DHX37: variants seen among roughly 807,000 people sequenced by gnomAD.
The protein encoded by DHX37 is DEAH-box helicase 37, also known as probable ATP-dependent RNA helicase DHX37.
Under a neutral mutation model 134.3 loss-of-function variants are expected in DHX37, and 52 were observed. The ratio of observed to expected loss-of-function variants is 0.39; its 90% confidence interval spans 0.31 to 0.49. The LOEUF is 0.49. Among genes scored for constraint, DHX37 ranks in the 20% least tolerant of loss-of-function variants. The pLI, the probability that DHX37 is intolerant of heterozygous loss-of-function variation, is 0.93. For missense variants in DHX37, 1,344 were observed against 1,580.8 expected, an observed-to-expected ratio of 0.85 and a Z score of 2.54; for synonymous variants, 634 against 670.7, an observed-to-expected ratio of 0.95 and a Z score of 0.85.
intron 21 of DHX37, 23 bp downstream of exon 21, chr12:124,952,375 C>T: frequency 6.3e-7 from 1 of 1,591,628 alleles, no homozygotes; most frequent in Non-Finnish European, 8.5e-7. Flanking sequence ...GCTACCCGGG[C>T]AGGGAGGCGG....
In DHX37 at chr12:124,967,178, A is replaced by C. The variant is rs374212135; in HGVS notation, c.1449T>G (p.His483Gln). ...CCTTCCTGAGCCTGCGGCACAGCGCATGCACCTCAGCCTGCCCCGTCAGGA... is the reference window on the plus strand; with the variant it reads ...CCTTCCTGAGCCTGCGGCACAGCGCCTGCACCTCAGCCTGCCCCGTCAGGA... ...LVFLTGQAEV[H>Q]ALCRRLRKAF... is the part of the protein sequence containing the mutation. Residue 483 changes from histidine to glutamine, a missense_variant, in exon 11 of 27, where the codon CAT becomes CAG. Coordinates refer to ENST00000308736, the MANE Select transcript of DHX37 (RefSeq NM_032656.4). 1 of 1,613,830 alleles carries C rather than the reference A, an allele frequency of 6.2e-7. No individual in the cohort carries two copies. Among genetic ancestry groups the C allele is most frequent in the Admixed American group, 1.7e-5 (1 of 60,012 alleles).
At chr12:124,966,701 A>G (rs1247168142) in intron 12 of DHX37, 92 bp downstream of exon 12, 20 of 1,309,158 alleles carry the variant, frequency 1.5e-5, no homozygotes, top group African/African-American at 2.9e-5. Flanking sequence ...TTCCAATTAC[A>G]CTTAAACCTA....
intron 15 of DHX37, among the ~76,000 whole-genome samples, chr12:124,963,579 AG>A (rs1479108513): frequency 6.6e-6 from 1 of 152,158 alleles, no homozygotes; most frequent in African/African-American, 2.4e-5. Context: ...AGCAGAATAA[AG>A]AAACAGTGGC....
At chr12:124,968,695 T>C in intron 9 of DHX37, 47 bp from the exon 10 acceptor site, 1 of 1,612,940 alleles carries the variant, frequency 6.2e-7, no homozygotes, top group Non-Finnish European at 8.5e-7. Context: ...GACACGAGCT[T>C]CGGCCCAGGG....
At chr12:124,982,475 G>C in intron 3 of DHX37, 36 bp downstream of exon 3, 2 of 1,609,910 alleles carry the variant, frequency 1.2e-6, no homozygotes, top group Non-Finnish European at 1.7e-6. Context: ...GGGCCCTGGA[G>C]GGAGGGCAGG....
In DHX37 at chr12:124,989,057, G is replaced by T; in HGVS notation, c.-35C>A. The T allele has an allele frequency of 1.5e-6, 2 of 1,297,878 alleles. No homozygotes were observed. Among genetic ancestry groups the T allele is most frequent in the Middle Eastern group, 2.2e-4 (1 of 4,502 alleles). The allele number at this position is 1,297,878 out of a possible 1,614,324, so 80.4% of individuals were successfully genotyped here. A position where few individuals can be genotyped will look rare whatever the true frequency, so the allele number is the denominator to read the frequency against. ...GCCAGGGTGGGCGCTCCAGCGGCCG[G>T]ACCAGCAGAGCAATCCGAAACCCAG... On this transcript the variant is annotated 5_prime_UTR_variant, in exon 1 of 27. Transcript: ENST00000308736.
intron 20 of DHX37, 26 bp from the exon 21 acceptor site, chr12:124,952,596 C>G (rs6488959): frequency 6.5e-7 from 1 of 1,541,752 alleles, no homozygotes; most frequent in Admixed American, 1.9e-5. Context: ...AGAGTGAGGT[C>G]GGTGGTGGCA....
intron 4 of DHX37, among the ~76,000 whole-genome samples, chr12:124,978,843 G>GA (rs1339085515): frequency 3.3e-5 from 5 of 151,334 alleles, no homozygotes; most frequent in African/African-American, 1.2e-4. Flanking sequence ...GAGGTGGGAG[G>GA]ACCGCTTGAG....
At chr12:124,960,049 G>A (rs1409576046) in intron 16 of DHX37, among the ~76,000 whole-genome samples, 3 of 152,214 alleles carry the variant, frequency 2.0e-5, no homozygotes, top group African/African-American at 7.2e-5. Flanking sequence ...CACGCCCCAC[G>A]GACGGATAGT....
intron 1 of DHX37, 120 bp downstream of exon 1, chr12:124,988,797 T>TC (rs2135978514): frequency 1.2e-5 from 6 of 485,976 alleles, no homozygotes; most frequent in Non-Finnish European, 1.7e-5. Context: ...GGGGACCCAT[T>TC]CCCCCATTCC....
chr12:124,953,385 A>C (rs1193198266), intron 20 of DHX37: 1 of 159,954 alleles, frequency 6.3e-6, no homozygotes, highest in Non-Finnish European at 1.4e-5. Flanking sequence ...GCCTGCCCAG[A>C]AGAGACCCAG....
intron 2 of DHX37, 126 bp from the exon 3 acceptor site, chr12:124,982,749 C>T: frequency 7.6e-7 from 1 of 1,308,190 alleles, no homozygotes; most frequent in South Asian, 1.4e-5. Flanking sequence ...GGTCAAATTG[C>T]AATTCTACTG....
intron 4 of DHX37, among the ~76,000 whole-genome samples, chr12:124,979,672 A>C (rs1217903893): frequency 6.6e-6 from 1 of 152,228 alleles, no homozygotes; most frequent in African/African-American, 2.4e-5. Context: ...AAAAATTCAC[A>C]AAGAAAAGCA....
Position 124,989,046 on chromosome 12 carries a change from T to C in DHX37, c.-24A>G, listed in dbSNP as rs1167470704. Reference sequence around the variant, plus strand: ...ATGGCGACTAGGCCAGGGTGGGCGCTCCAGCGGCCGGACCAGCAGAGCAAT... The same window carrying C: ...ATGGCGACTAGGCCAGGGTGGGCGCCCCAGCGGCCGGACCAGCAGAGCAAT... On this transcript the variant is annotated 5_prime_UTR_variant, in exon 1 of 27. Transcript: ENST00000308736. The C allele has an allele frequency of 1.5e-6, 2 of 1,328,972 alleles. No individual in the cohort carries two copies. The highest frequency in any genetic ancestry group is 1.9e-6 in the Non-Finnish European group (2 of 1,032,318). The allele number at this position is 1,328,972 out of a possible 1,614,324, so 82.3% of individuals were successfully genotyped here.
Position 124,947,795 on chromosome 12 carries a change from T to C in DHX37, c.*7A>G, listed in dbSNP as rs757586261. The C allele has an allele frequency of 2.6e-6, 4 of 1,559,728 alleles. No individual in the cohort carries two copies. The highest frequency in any genetic ancestry group is 2.6e-6 in the Non-Finnish European group (3 of 1,152,382). ...ACCAGTCCTCGGCCCTGCAGCCAGGTTTCTGGTCAGTGGACAGTGGTGGGG... is the reference window on the plus strand; with the variant it reads ...ACCAGTCCTCGGCCCTGCAGCCAGGCTTCTGGTCAGTGGACAGTGGTGGGG... On this transcript the variant is annotated 3_prime_UTR_variant, in exon 27 of 27. Coordinates refer to ENST00000308736, the MANE Select transcript of DHX37 (RefSeq NM_032656.4).
intron 1 of DHX37, among the ~76,000 whole-genome samples, chr12:124,988,657 A>C (rs1385650422): frequency 6.6e-6 from 1 of 152,006 alleles, no homozygotes; most frequent in Non-Finnish European, 1.5e-5. Flanking sequence ...GAAGGGATGG[A>C]ACTACTCCTG....
chr12:124,985,784 G>A (rs1954860402), intron 2 of DHX37, among the ~76,000 whole-genome samples: 1 of 147,026 alleles, frequency 6.8e-6, no homozygotes, highest in Admixed American at 6.8e-5. Context: ...GATGTCGGGG[G>A]TGGGGGAACA....
At chr12:124,964,679 G>A (rs569447942) in intron 14 of DHX37, 53 bp from the exon 15 acceptor site, 131 of 1,597,448 alleles carry the variant, frequency 8.2e-5, no homozygotes, top group Non-Finnish European at 6.4e-5. Context: ...AAAAGAAATC[G>A]TGGAATGGAG....
chr12:124,964,587 C>T lies in DHX37; in HGVS notation c.1852G>A (p.Val618Met), dbSNP rs1419689339. The part of the protein sequence containing the change: ...PPPEGTRLCV[V>M]ATNVAETSLT... ...GACGTCTCGGCCACATTGGTGGCCACAACACACAACCGAGTCCCCTCCGGT... is the reference window on the plus strand; with the variant it reads ...GACGTCTCGGCCACATTGGTGGCCATAACACACAACCGAGTCCCCTCCGGT... The change falls in exon 15 of 27, where the codon GTG becomes ATG. Residue 618 changes from valine to methionine, a missense_variant. By Grantham distance (21) the Val-to-Met change is conservative. Around this residue, in one of 7 missense-constraint regions of DHX37, gnomAD observed 289 missense variants for 323.8 expected, o/e 0.89. Coordinates refer to ENST00000308736, the MANE Select transcript of DHX37 (RefSeq NM_032656.4). 3 of 1,613,308 alleles carry T rather than the reference C, an allele frequency of 1.9e-6. No individual in the cohort carries two copies. Among genetic ancestry groups the T allele is most frequent in the Admixed American group, 1.7e-5 (1 of 59,890 alleles).
Sources: gnomAD v4.1 joint callset for allele counts (sites outside exome capture counted in the v4.1 genomes callset) on GRCh38, gnomAD v4.1.1 for gene constraint, gnomAD v4.1.1 regional missense constraint, MANE v1.5 for transcripts, NCBI Gene and HGNC (gene_info 2026-07-23, HGNC 2026-07-21) for gene names.